Variants in ATAD3C observed in about 807,000 individuals in gnomAD.
The protein encoded by ATAD3C is ATPase family AAA domain containing 3C.
Under a neutral mutation model 46.3 loss-of-function variants are expected in ATAD3C, and 38 were observed. The ratio of observed to expected loss-of-function variants is 0.82; its 90% CI spans 0.63 to 1.08. The LOEUF is 1.08. Among genes scored for constraint, ATAD3C ranks in the 50% least tolerant of loss-of-function variants. ATAD3C has a pLI of 0.00. For synonymous variants in ATAD3C, 220 were observed against 236.4 expected (o/e 0.93, Z 0.63); for missense variants, 563 against 572.7 (o/e 0.98, Z 0.17).
chr1:1,453,556 C>T (rs924306472), intron 3 of ATAD3C, among the ~76,000 whole-genome samples: 5 of 151,844 alleles, frequency 3.3e-5, no homozygotes. Flanking sequence ...AGGCTGGTTG[C>T]GAACTCCTGG....
intron 3 of ATAD3C, 138 bp from the exon 4 acceptor site, chr1:1,454,207 C>T (rs974564462): frequency 1.1e-5 from 15 of 1,419,564 alleles, no homozygotes; most frequent in African/African-American, 2.9e-5. Flanking sequence ...GCTGGGAATT[C>T]GGGTTCCTGT....
At chr1:1,461,189 T>G (rs1570155014) in intron 10 of ATAD3C, among the ~76,000 whole-genome samples, 1 of 143,676 alleles carries the variant, frequency 7.0e-6, no homozygotes, top group Non-Finnish European at 1.5e-5. Context: ...TACAAACCTT[T>G]AACATTTTTT....
At chr1:1,461,681 T>TC (rs1553199334) in intron 10 of ATAD3C, among the ~76,000 whole-genome samples, 1 of 150,878 alleles carries the variant, frequency 6.6e-6, no homozygotes, top group African/African-American at 2.5e-5. Flanking sequence ...GACCCCCATG[T>TC]AGGGACTGGA....
intron 4 of ATAD3C, 150 bp from the exon 5 acceptor site, chr1:1,455,310 C>T: frequency 9.0e-7 from 1 of 1,112,968 alleles, no homozygotes; most frequent in African/African-American, 1.6e-5. Flanking sequence ...GACACCCAGT[C>T]TCCCGGCGGG....
At chr1:1,455,951 C>T (rs537445691) in intron 6 of ATAD3C, 35 bp downstream of exon 6, 1 of 1,611,296 alleles carries the variant, frequency 6.2e-7, no homozygotes, top group Non-Finnish European at 8.5e-7. Context: ...GGGCCAGGGG[C>T]CGCTGGGGTC....
rs1557780949 is a variant in ATAD3C, at chr1:1,462,312, G to A, written c.981-288G>A. Among the ~76,000 whole-genome samples the A allele has an allele frequency of 2.6e-5, 4 of 152,036 alleles. No individual in the cohort carries two copies. In the South Asian group the frequency reaches 6.2e-4, roughly 24 times the overall value. The stretch of plus-strand genomic sequence containing the variant: ...AGAAGCTTTTTTGCTAGAACTCAGG[G>A]CTCTGCCACTGCCAGTTTAACGGCC... On this transcript the variant is annotated intron_variant, in intron 10 of 11. Coordinates refer to ENST00000378785, the MANE Select transcript of ATAD3C (RefSeq NM_001039211.3). The surrounding 1 kb of genome is among the most constrained non-coding windows in gnomAD (Gnocchi z 4.5).
chr1:1,456,140 AGCCTCCACACTCCG>A (rs1276521651), intron 6 of ATAD3C, 71 bp from the exon 7 acceptor site: 1 of 1,530,496 alleles, frequency 6.5e-7, no homozygotes, highest in African/African-American at 1.6e-5. Flanking sequence ...CGCTGGGCAG[AGCCTCCACACTCCG>A]GGTGGAGTGT....
chr1:1,455,387 A>C, intron 4 of ATAD3C, 73 bp from the exon 5 acceptor site: 1 of 1,576,930 alleles, frequency 6.3e-7, no homozygotes, highest in Non-Finnish European at 8.6e-7. Flanking sequence ...CGTGTTACCG[A>C]GCTTGTGTGT....
intron 11 of ATAD3C, among the ~76,000 whole-genome samples, chr1:1,464,154 C>T (rs1639111733): frequency 6.6e-6 from 1 of 150,584 alleles, no homozygotes; most frequent in Non-Finnish European, 1.5e-5. Flanking sequence ...TTGTGGTGAG[C>T]CGAGATCGTG....
intron 8 of ATAD3C, 67 bp downstream of exon 8, chr1:1,457,247 G>C: frequency 1.2e-6 from 2 of 1,605,812 alleles, no homozygotes; most frequent in Non-Finnish European, 1.7e-6. Context: ...GTCATCCTGG[G>C]CCAGGCCGCA....
rs559670131 is a variant in ATAD3C, at chr1:1,457,068, C to T, written c.690-61C>T. The T allele has an allele frequency of 4.9e-5, 79 of 1,607,720 alleles. 2 individuals are homozygous for T. Among genetic ancestry groups the T allele is most frequent in the Admixed American group, 1.0e-4 (6 of 59,930 alleles). ...TTGGCCTGCTCCTGCCATGGCCGGA[C>T]GCCGCTGTGGGCTGCTCCTGGCATC... is the stretch of plus-strand genomic sequence containing the variant. On this transcript the variant is annotated intron_variant, in intron 7 of 11. Transcript: ENST00000378785.
intron 11 of ATAD3C, among the ~76,000 whole-genome samples, chr1:1,463,254 G>A (rs1570157660): frequency 6.6e-6 from 1 of 152,210 alleles, no homozygotes; most frequent in Middle Eastern, 3.4e-3. Flanking sequence ...TCACAGGAGT[G>A]TGGGCACGGC....
At chr1:1,466,903 A>G (rs1212028099) in intron 11 of ATAD3C, among the ~76,000 whole-genome samples, 2 of 151,978 alleles carry the variant, frequency 1.3e-5, no homozygotes, top group African/African-American at 4.8e-5. Context: ...ATGTTCTTCA[A>G]TTTGTCCAAG....
intron 8 of ATAD3C, among the ~76,000 whole-genome samples, chr1:1,458,059 A>G (rs1570150953): frequency 6.6e-6 from 1 of 151,430 alleles, no homozygotes; most frequent in Non-Finnish European, 1.5e-5. Context: ...GCTCGCTGCA[A>G]CCTCCGCCTC....
intron 2 of ATAD3C, 86 bp downstream of exon 2, chr1:1,452,208 C>T: frequency 6.3e-7 from 1 of 1,582,258 alleles, no homozygotes; most frequent in Non-Finnish European, 8.6e-7. Context: ...CCAGCTCTCC[C>T]AGGTCTGGCC....
At chr1:1,468,322 G>A in intron 11 of ATAD3C, 62 bp from the exon 12 acceptor site, 1 of 1,558,748 alleles carries the variant, frequency 6.4e-7, no homozygotes, top group South Asian at 1.2e-5. Flanking sequence ...CAGGGCCCTG[G>A]CGTGCATTTG....
rs1440737026 is a variant in ATAD3C, at chr1:1,469,268, A to G, written c.*738A>G. The G allele has an allele frequency of 6.7e-6, 1 of 149,180 alleles. No individual in the cohort carries two copies. Among genetic ancestry groups the G allele is most frequent in the African/African-American group, 2.5e-5 (1 of 40,352 alleles). 9.2% of individuals were successfully genotyped at this position (149,180 alleles called of 1,614,324 possible). On this transcript the variant is annotated 3_prime_UTR_variant, in exon 12 of 12. Transcript: ENST00000378785. ...GGAATTGCACTGCAGCATGGGCAAC[A>G]AGAGTCAAACTCCCTCTAAAAAAAA... is the stretch of plus-strand genomic sequence containing the variant.
chr1:1,467,439 G>T lies in ATAD3C; in HGVS notation c.1090-945G>T, dbSNP rs550301388. 5.5e-4 allele frequency among the ~76,000 whole-genome samples: 84 copies of T among 152,180 alleles called. 5 individuals are homozygous for T. In the Middle Eastern group the frequency reaches 0.027, roughly 49 times the overall value. ...CGACCCACAGTGGTGGTCCGGCTCC[G>T]GTCAGTGTCTCCCCACACAGTGGCT... On this transcript the variant is annotated intron_variant, in intron 11 of 11. Transcript: ENST00000378785.
chr1:1,455,509 T>C lies in ATAD3C; in HGVS notation c.428T>C (p.Val143Ala), dbSNP rs555841943. The change falls in exon 5 of 12, where the codon GTT becomes GCT. Residue 143 changes from valine (V) to alanine (A), a missense_variant. Transcript: ENST00000378785. ...LSRPQDVLEG[V>A]VLSPSLEARV... ...CGACCCCAGGACGTGCTGGAGGGTG[T>C]TGTGCTTAGTGTAAGTCGGTGTGCC... The C allele has an allele frequency of 6.2e-7, 1 of 1,612,436 alleles. No individual in the cohort carries two copies. The highest frequency in any genetic ancestry group is 8.5e-7 in the Non-Finnish European group (1 of 1,179,478).
Sources: allele counts gnomAD v4.1 joint callset (sites outside exome capture counted in the v4.1 genomes callset), GRCh38; gene constraint gnomAD v4.1.1; non-coding constraint Gnocchi (gnomAD v3.1); transcripts MANE v1.5; gene names NCBI Gene and HGNC (gene_info 2026-07-23, HGNC 2026-07-21).